Variants in NCOR2 observed in about 807,000 individuals in gnomAD.
NCOR2 encodes nuclear receptor corepressor 2.
In NCOR2, 81 loss-of-function variants were observed where a neutral mutation model predicts 262.9. That is an observed-to-expected ratio of 0.31 (90% CI 0.26 to 0.37). The LOEUF (loss-of-function observed/expected upper bound fraction) is 0.37, where lower values mean the gene tolerates loss of function less well. Ranked by LOEUF, NCOR2 falls within the 10% of genes least tolerant of loss-of-function variation. The probability of loss-of-function intolerance (pLI) is 1.00; values close to 1 mark genes in which losing one functional copy is unlikely to be tolerated. For missense variants in NCOR2, 3,385 were observed against 3,621.4 expected (o/e 0.93, Z 1.68); for synonymous variants, 1,659 against 1,559.3 (o/e 1.06, Z -1.51).
intron 43 of NCOR2, chr12:124,331,619 G>GT (rs5801546): frequency 0.81 from 123,163 of 152,936 alleles, 49,661 homozygotes; most frequent in East Asian, 0.87. Context: ...TGTTTTTAAA[G>GT]TTTTTTGTAG....
At chr12:124,464,383 C>T (rs1330224337) in intron 5 of NCOR2, among the ~76,000 whole-genome samples, 2 of 152,196 alleles carry the variant, frequency 1.3e-5, no homozygotes, top group African/African-American at 2.4e-5. Context: ...GTAGAGGTGA[C>T]ACTCTCAGGA....
At chr12:124,472,813 C>T in intron 4 of NCOR2, 139 bp downstream of exon 6, 1 of 1,100,752 alleles carries the variant, frequency 9.1e-7, no homozygotes, top group Non-Finnish European at 1.3e-6. Context: ...TGCTCCTGTC[C>T]AATAAACGTA....
chr12:124,328,879 G>A (rs578022059), intron 44 of NCOR2: 4 of 228,770 alleles, frequency 1.7e-5, no homozygotes, highest in East Asian at 1.2e-4. Flanking sequence ...TTTCAAATAC[G>A]TTTGTAGCCA....
intron 1 of NCOR2, among the ~76,000 whole-genome samples, chr12:124,486,999 C>T (rs892758258): frequency 2.6e-5 from 4 of 152,330 alleles, no homozygotes; most frequent in African/African-American, 9.6e-5. Context: ...TTTCTACCCT[C>T]CCACCCCATC....
At position 124,350,576 on chromosome 12, in the gene NCOR2, C is replaced by T. The variant is rs1269134382; in HGVS notation, c.3844+11G>A. ...CCCTGGTCCTGGGCCTCCTCTCCTC[C>T]TGCGACTCACCCTCATAGGACAAGA... On this transcript the variant is annotated intron_variant, in intron 28 of 46. Coordinates refer to ENST00000405201, the Ensembl canonical transcript of NCOR2. The T allele has an allele frequency of 6.2e-7, 1 of 1,610,158 alleles. No individual in the cohort carries two copies. Among genetic ancestry groups the T allele is most frequent in the Non-Finnish European group, 8.5e-7 (1 of 1,177,344 alleles).
chr12:124,340,682 G>C (rs2036385386), exon 35 of NCOR2: 1 of 1,524,746 alleles, frequency 6.6e-7, no homozygotes, highest in Admixed American at 2.3e-5. Flanking sequence ...GTCCATGGCG[G>C]TGGCTGGGGT....
At chr12:124,423,734 A>G (rs1299769882) in intron 11 of NCOR2, among the ~76,000 whole-genome samples, 1 of 152,118 alleles carries the variant, frequency 6.6e-6, no homozygotes, top group Non-Finnish European at 1.5e-5. Context: ...CAGGAATCAA[A>G]CTTGGGAATC....
chr12:124,503,389 G>A lies in NCOR2; in HGVS notation c.-117-8021C>T, dbSNP rs1279393654. Among the ~76,000 whole-genome samples the A allele has an allele frequency of 6.6e-6, 1 of 152,176 alleles. No homozygotes were observed. The highest frequency in any genetic ancestry group is 1.5e-5 in the Non-Finnish European group (1 of 68,028). On this transcript the variant is annotated intron_variant, in intron 1 of 46. Transcript: ENST00000404621. This position sits in a 1 kb window ranked among gnomAD's most constrained non-coding sequence, Gnocchi z 4.3. Reference sequence around the variant, plus strand: ...AGAGATGGGAGGATGGAGGAGAAAGGAGGAAGGGAGGGAGGAAAGGAGGAT... The same window carrying A: ...AGAGATGGGAGGATGGAGGAGAAAGAAGGAAGGGAGGGAGGAAAGGAGGAT...
upstream of NCOR2, among the ~76,000 whole-genome samples, chr12:124,496,718 A>T (rs1161617208): frequency 1.3e-5 from 2 of 152,116 alleles, no homozygotes; most frequent in African/African-American, 2.4e-5. The surrounding 1 kb of genome is among the most constrained non-coding windows in gnomAD (Gnocchi z 4.4). Flanking sequence ...TCATTAGTGT[A>T]GACTTGACCC....
At chr12:124,372,201 C>T in exon 20 of NCOR2, 2 of 1,601,720 alleles carry the variant, frequency 1.2e-6, no homozygotes, top group Non-Finnish European at 1.7e-6. Flanking sequence ...CGTCCTTGCC[C>T]TTGGCCGGCC....
intron 1 of NCOR2, among the ~76,000 whole-genome samples, chr12:124,543,669 C>A (rs2051450764): frequency 6.6e-6 from 1 of 152,230 alleles, no homozygotes; most frequent in Admixed American, 6.5e-5. Context: ...CAGGAAGGAG[C>A]CGGGGTATCG....
intron 17 of NCOR2, among the ~76,000 whole-genome samples, chr12:124,380,546 C>T (rs1430136898): frequency 6.6e-6 from 1 of 152,228 alleles, no homozygotes; most frequent in Non-Finnish European, 1.5e-5. Context: ...GAGTTCGAGC[C>T]TGTGGCGGCC....
At chr12:124,394,123 C>A (rs1297560477) in intron 16 of NCOR2, among the ~76,000 whole-genome samples, 1 of 152,258 alleles carries the variant, frequency 6.6e-6, no homozygotes, top group Non-Finnish European at 1.5e-5. Context: ...AGCTGGGACC[C>A]AAACCTAGGG....
At chr12:124,386,952 T>C (rs2040850389) in intron 16 of NCOR2, among the ~76,000 whole-genome samples, 1 of 152,242 alleles carries the variant, frequency 6.6e-6, no homozygotes, top group Non-Finnish European at 1.5e-5. Flanking sequence ...GGAGTGCTCC[T>C]GACCTAGGGG....
At chr12:124,501,480 G>A (rs905116425) in intron 1 of NCOR2, among the ~76,000 whole-genome samples, 8 of 151,856 alleles carry the variant, frequency 5.3e-5, no homozygotes, top group Admixed American at 2.0e-4. Context: ...AGGGCCCCAC[G>A]GCCTCTGGGG....
At chr12:124,471,222 C>T (rs1341364096) in intron 4 of NCOR2, among the ~76,000 whole-genome samples, 1 of 152,218 alleles carries the variant, frequency 6.6e-6, no homozygotes, top group African/African-American at 2.4e-5. Context: ...CCTTCAAAAC[C>T]CAGCTACCAG....
chr12:124,379,412 G>C (rs1197002235), intron 17 of NCOR2, among the ~76,000 whole-genome samples: 1 of 152,222 alleles, frequency 6.6e-6, no homozygotes, highest in Admixed American at 6.5e-5. Context: ...GAAAGCGTTT[G>C]TTGACTGACT....
At chr12:124,442,850 T>G (rs547143321) in intron 7 of NCOR2, among the ~76,000 whole-genome samples, 1 of 152,020 alleles carries the variant, frequency 6.6e-6, no homozygotes, top group Non-Finnish European at 1.5e-5. Context: ...CAATGACTTA[T>G]GAAAAGGGGA....
At chr12:124,480,604 T>C (rs1158948022) in intron 3 of NCOR2, among the ~76,000 whole-genome samples, 1 of 152,078 alleles carries the variant, frequency 6.6e-6, no homozygotes, top group East Asian at 1.9e-4. Flanking sequence ...AGGTTCCACT[T>C]TCTGTTTCAA....
Sources: allele counts gnomAD v4.1 joint callset (sites outside exome capture counted in the v4.1 genomes callset), GRCh38; gene constraint gnomAD v4.1.1; non-coding constraint Gnocchi (gnomAD v3.1); transcripts MANE v1.5; gene names NCBI Gene and HGNC (gene_info 2026-07-23, HGNC 2026-07-21).